The following UBASH3A variants were observed in gnomAD, a reference collection of about 807,000 sequenced individuals.
The protein encoded by UBASH3A is ubiquitin associated and SH3 domain containing A, also known as ubiquitin-associated and SH3 domain-containing protein A.
In UBASH3A, 63 loss-of-function variants were observed where a neutral mutation model predicts 73.5. The ratio of observed to expected loss-of-function variants is 0.86; its 90% CI spans 0.70 to 1.06. The LOEUF is 1.06. UBASH3A is among the 50% of genes least tolerant of loss of function. UBASH3A has a pLI of 0.00. For synonymous variants in UBASH3A, 363 were observed against 351.1 expected (o/e 1.03, Z -0.38); for missense variants, 860 against 859.0 (o/e 1.00, Z -0.02).
At chr21:42,410,831 A>G (rs528608726) in intron 3 of UBASH3A, among the ~76,000 whole-genome samples, 1 of 152,178 alleles carries the variant, frequency 6.6e-6, no homozygotes, top group East Asian at 1.9e-4. Flanking sequence ...GCTCACACAC[A>G]TAGACACACA....
intron 10 of UBASH3A, among the ~76,000 whole-genome samples, chr21:42,436,826 C>T (rs2053634579): frequency 1.3e-5 from 2 of 152,050 alleles, no homozygotes; most frequent in Admixed American, 1.3e-4. Context: ...TTCAGTGGGT[C>T]TTGAGTTTTC....
intron 8 of UBASH3A, among the ~76,000 whole-genome samples, chr21:42,429,034 A>T (rs896489072): frequency 2.6e-5 from 4 of 152,204 alleles, no homozygotes; most frequent in African/African-American, 9.7e-5. Flanking sequence ...GAGGGCCCTA[A>T]ACCCCATCAC....
Position 42,444,544 on chromosome 21 carries a change from C to T in UBASH3A, c.1749C>T (p.Ile583=). The change falls in exon 14 of 15, where the codon ATC becomes ATT. Residue 583 remains isoleucine (I), a synonymous_variant. Coordinates refer to ENST00000319294, the MANE Select transcript of UBASH3A (RefSeq NM_018961.4). The part of the protein sequence containing the change: ...VNTCPQDTGV[I]LIVSHGSTLD... Reference sequence around the variant, plus strand: ...TCTTGTTTTCCACAGCGGGTGTCATCCTAATTGTGAGTCACGGCTCCACTC... The same window carrying T: ...TCTTGTTTTCCACAGCGGGTGTCATTCTAATTGTGAGTCACGGCTCCACTC... The T allele has an allele frequency of 3.7e-6, 6 of 1,613,118 alleles. No homozygotes were observed. The South Asian group carries it at 6.6e-5, about 18-fold the overall frequency.
At chr21:42,443,512 G>T in intron 13 of UBASH3A, 94 bp downstream of exon 13, 2 of 1,079,960 alleles carry the variant, frequency 1.9e-6, no homozygotes, top group Non-Finnish European at 2.6e-6. Flanking sequence ...ACCTATGAAT[G>T]CCCCTACTTC....
At chr21:42,418,321 A>C (rs1240084041) in intron 6 of UBASH3A, 80 bp from the exon 7 acceptor site, 1 of 1,248,456 alleles carries the variant, frequency 8.0e-7, no homozygotes, top group African/African-American at 1.5e-5. Flanking sequence ...AGGAGGTGGC[A>C]GGTGATAGGC....
rs538332623 is a variant in UBASH3A at position 42,444,392 on chromosome 21, C to T, written c.1739-142C>T. 33 of 694,374 alleles carry T rather than the reference C, an allele frequency of 4.8e-5. No homozygotes were observed. The South Asian group carries it at 5.3e-4, about 11-fold the overall frequency. The allele number at this position is 694,374 out of a possible 1,614,324, so 43.0% of individuals were successfully genotyped here. ...CAGGCATCACTGAGCGGTTACCAGC[C>T]ACACTACTTCTAGCCCGGGGGTCTC... On this transcript the variant is annotated intron_variant, in intron 13 of 14. Transcript: ENST00000319294.
At chr21:42,429,141 G>A (rs890962293) in intron 8 of UBASH3A, among the ~76,000 whole-genome samples, 1 of 152,208 alleles carries the variant, frequency 6.6e-6, no homozygotes, top group African/African-American at 2.4e-5. Flanking sequence ...GTGGCCACAA[G>A]CCAAGGAACA....
chr21:42,410,059 A>C (rs1238580764), intron 3 of UBASH3A: 1 of 701,742 alleles, frequency 1.4e-6, no homozygotes, highest in African/African-American at 1.7e-5. Context: ...TGGTAAGTCA[A>C]CTCAAGGATG....
chr21:42,406,772 T>A (rs2052986168), intron 2 of UBASH3A, among the ~76,000 whole-genome samples: 1 of 152,210 alleles, frequency 6.6e-6, no homozygotes, highest in South Asian at 2.1e-4. Flanking sequence ...ATATTAGTAC[T>A]GCTAATATTC....
At chr21:42,432,554 A>G (rs1232506312) in intron 9 of UBASH3A, among the ~76,000 whole-genome samples, 3 of 152,204 alleles carry the variant, frequency 2.0e-5, no homozygotes, top group African/African-American at 7.2e-5. Flanking sequence ...ACACATACCC[A>G]CAAGCCAACC....
At chr21:42,443,568 ACTG>A (rs756460328) in intron 13 of UBASH3A, 150 bp downstream of exon 13, 577 of 652,610 alleles carry the variant, frequency 8.8e-4, no homozygotes, top group South Asian at 1.7e-3. Flanking sequence ...AGTTTTCATC[ACTG>A]CTGCTGCTGC....
At chr21:42,429,344 G>A (rs146058028) in intron 8 of UBASH3A, among the ~76,000 whole-genome samples, 1 of 152,330 alleles carries the variant, frequency 6.6e-6, no homozygotes, top group African/African-American at 2.4e-5. Context: ...CTTCTGTCTA[G>A]AGAATTGGTG....
chr21:42,444,520 C>T lies in UBASH3A; in HGVS notation c.1739-14C>T. On this transcript the variant is annotated splice_polypyrimidine_tract_variant and intron_variant, in intron 13 of 14. Transcript: ENST00000319294. Reference sequence around the variant, plus strand: ...GGGGCTGCTTTGACCTGGAGGTGTTCTTGTTTTCCACAGCGGGTGTCATCC... The same window carrying T: ...GGGGCTGCTTTGACCTGGAGGTGTTTTTGTTTTCCACAGCGGGTGTCATCC... 1 of 1,605,020 alleles carries T rather than the reference C, an allele frequency of 6.2e-7. No individual in the cohort carries two copies.
At chr21:42,405,935 C>T (rs948981878) in intron 1 of UBASH3A, among the ~76,000 whole-genome samples, 1 of 138,730 alleles carries the variant, frequency 7.2e-6, no homozygotes, top group East Asian at 2.3e-4. Context: ...AAGCGTGTGT[C>T]CGAGCCAGGG....
chr21:42,434,809 T>G, intron 9 of UBASH3A, 23 bp from the exon 10 acceptor site: 5 of 1,606,670 alleles, frequency 3.1e-6, no homozygotes, highest in Non-Finnish European at 4.3e-6. Context: ...AAACTGAACG[T>G]CTGATGCTTA....
At chr21:42,420,298 G>A (rs1365032952) in intron 7 of UBASH3A, among the ~76,000 whole-genome samples, 7 of 152,064 alleles carry the variant, frequency 4.6e-5, no homozygotes, top group Non-Finnish European at 1.5e-5. Flanking sequence ...GATTACTTGT[G>A]ATATGTAATA....
At chr21:42,425,789 G>C (rs1321155429) in intron 7 of UBASH3A, among the ~76,000 whole-genome samples, 2 of 152,050 alleles carry the variant, frequency 1.3e-5, no homozygotes, top group East Asian at 3.9e-4. Flanking sequence ...TGAGAATGTG[G>C]GGACTTGAGA....
chr21:42,406,506 C>A, intron 2 of UBASH3A, 145 bp downstream of exon 2: 1 of 668,304 alleles, frequency 1.5e-6, no homozygotes, highest in Admixed American at 2.4e-5. Context: ...ACAAAATAAC[C>A]TCCCTGCCTA....
chr21:42,406,785 C>G (rs2146486748), intron 2 of UBASH3A, among the ~76,000 whole-genome samples: 1 of 152,244 alleles, frequency 6.6e-6, no homozygotes, highest in East Asian at 1.9e-4. Context: ...TAATATTCAG[C>G]CTATTTCAGT....
Sources: allele counts gnomAD v4.1 joint callset (sites outside exome capture counted in the v4.1 genomes callset), GRCh38; gene constraint gnomAD v4.1.1; transcripts MANE v1.5; gene names NCBI Gene and HGNC (gene_info 2026-07-23, HGNC 2026-07-21).